CCDC171: variants seen among roughly 807,000 people sequenced by gnomAD.
The protein encoded by CCDC171 is coiled-coil domain containing 171, also known as coiled-coil domain-containing protein 171.
A neutral mutation model predicts 168.2 loss-of-function variants in CCDC171; 177 were observed. The ratio of observed to expected loss-of-function variants is 1.05; its 90% CI spans 0.93 to 1.19. The LOEUF is 1.19. Among genes scored for constraint, CCDC171 ranks in the 50% most tolerant of loss-of-function variants. The pLI, the probability that CCDC171 is intolerant of heterozygous loss-of-function variation, is 0.00. For synonymous variants in CCDC171, 687 were observed against 540.8 expected (o/e 1.27, Z -3.75); for missense variants, 1,991 against 1,539.0 (o/e 1.29, Z -4.91).
chr9:15,795,111 A>G (rs1471346979), intron 21 of CCDC171, among the ~76,000 whole-genome samples: 1 of 152,210 alleles, frequency 6.6e-6, no homozygotes, highest in Admixed American at 6.5e-5. Context: ...GCTGGCACCA[A>G]TATCAAGTTG....
At chr9:15,608,407 G>T (rs1410523366) in intron 6 of CCDC171, among the ~76,000 whole-genome samples, 4 of 152,098 alleles carry the variant, frequency 2.6e-5, no homozygotes, top group Non-Finnish European at 5.9e-5. Context: ...GTGCCAAATT[G>T]TTCTCTTAAG....
At chr9:15,732,170 A>G (rs1017287508) in intron 16 of CCDC171, among the ~76,000 whole-genome samples, 2 of 152,074 alleles carry the variant, frequency 1.3e-5, no homozygotes, top group African/African-American at 2.4e-5. Context: ...TTTGATGATC[A>G]TAAGTTTTAA....
intron 6 of CCDC171, among the ~76,000 whole-genome samples, chr9:15,602,409 C>T (rs1480848683): frequency 2.7e-5 from 4 of 149,546 alleles, no homozygotes; most frequent in Non-Finnish European, 6.0e-5. Flanking sequence ...CTCAGTGAAA[C>T]CCCATCTTTA....
intron 7 of CCDC171, among the ~76,000 whole-genome samples, chr9:15,643,707 A>T (rs1207808409): frequency 7.2e-5 from 11 of 152,208 alleles, no homozygotes; most frequent in Non-Finnish European, 1.5e-5. Flanking sequence ...CATATACATT[A>T]GCAGCTACTG....
At chr9:15,691,539 ATGTTTT>A (rs1307447146) in intron 10 of CCDC171, among the ~76,000 whole-genome samples, 1 of 14,146 alleles carries the variant, frequency 7.1e-5, no homozygotes, top group Non-Finnish European at 1.5e-4. Context: ...CTGTAAATAT[ATGTTTT>A]TTATATATAT....
intron 23 of CCDC171, among the ~76,000 whole-genome samples, chr9:15,869,440 C>T (rs2061933495): frequency 6.6e-6 from 1 of 151,100 alleles, no homozygotes; most frequent in Admixed American, 6.6e-5. Context: ...CTTTCTTCTA[C>T]ATTGTAGAAT....
Position 15,992,920 on chromosome 9 carries a change from A to G in CCDC171, n.369-27669A>G, listed in dbSNP as rs536803477. 3.3e-4 allele frequency among the ~76,000 whole-genome samples: 50 copies of G among 152,308 alleles called. 3 individuals carry two copies. In the South Asian group the frequency reaches 0.01, roughly 31 times the overall value. The stretch of plus-strand genomic sequence containing the variant: ...AAGGACCTCTTCATGGAGAATTACA[A>G]ACCACTGCTCAACAAAATAAAAGAG... On this transcript the variant is annotated intron_variant and non_coding_transcript_variant, in intron 3 of 9. Coordinates refer to the CCDC171 transcript ENST00000486641.
chr9:15,618,261 C>G (rs530704886), intron 6 of CCDC171, among the ~76,000 whole-genome samples: 2 of 152,326 alleles, frequency 1.3e-5, no homozygotes, highest in South Asian at 4.1e-4. Context: ...GCCACAGCCA[C>G]TTTGCTTTGC....
At chr9:15,607,747 G>C (rs2043331746) in intron 6 of CCDC171, among the ~76,000 whole-genome samples, 1 of 152,174 alleles carries the variant, frequency 6.6e-6, no homozygotes, top group African/African-American at 2.4e-5. Flanking sequence ...GCAAGTGTGA[G>C]CCACCATGCC....
chr9:15,862,906 A>T (rs1286229861), intron 23 of CCDC171, among the ~76,000 whole-genome samples: 1 of 152,014 alleles, frequency 6.6e-6, no homozygotes, highest in Non-Finnish European at 1.5e-5. Flanking sequence ...AAAAGTTGGA[A>T]TGTTGTATGT....
intron 5 of CCDC171, among the ~76,000 whole-genome samples, chr9:15,591,966 A>G (rs577702940): frequency 7.4e-4 from 112 of 152,272 alleles, no homozygotes; most frequent in African/African-American, 2.4e-3. Flanking sequence ...TATGTAGAGC[A>G]TGTTTTGTAT....
At chr9:16,080,344 G>A in the CCDC171 span, among the ~76,000 whole-genome samples, 1 of 152,122 alleles carries the variant, frequency 6.6e-6, no homozygotes, top group Non-Finnish European at 1.5e-5. Flanking sequence ...GTATGTATGT[G>A]CATGTGTATA....
At chr9:15,980,922 C>T (rs1831775452) in intron 3 of CCDC171, among the ~76,000 whole-genome samples, 2 of 150,824 alleles carry the variant, frequency 1.3e-5, no homozygotes, top group African/African-American at 4.9e-5. Context: ...ACTGAACCTA[C>T]AGTTCCATGT....
At chr9:15,631,187 G>T (rs1371783013) in intron 7 of CCDC171, among the ~76,000 whole-genome samples, 2 of 151,970 alleles carry the variant, frequency 1.3e-5, no homozygotes, top group African/African-American at 4.8e-5. Context: ...AGAACTGAAG[G>T]AAATAGAAAC....
downstream of CCDC171, among the ~76,000 whole-genome samples, chr9:15,978,987 A>G (rs1258114714): frequency 6.6e-6 from 1 of 152,126 alleles, no homozygotes; most frequent in Non-Finnish European, 1.5e-5. Flanking sequence ...ATAGAACAAT[A>G]TGTATTGCTA....
intron 3 of CCDC171, among the ~76,000 whole-genome samples, chr9:16,015,695 C>T (rs1161785196): frequency 1.3e-5 from 2 of 152,124 alleles, no homozygotes; most frequent in Non-Finnish European, 2.9e-5. Flanking sequence ...TGAGAGCATT[C>T]GTATTGTTAT....
At chr9:15,955,255 T>C (rs930326130) in intron 25 of CCDC171, among the ~76,000 whole-genome samples, 1 of 152,116 alleles carries the variant, frequency 6.6e-6, no homozygotes, top group Admixed American at 6.6e-5. Context: ...AAATCTTAGT[T>C]CTTAATGTCT....
chr9:15,576,981 CT>C (rs1204229388), intron 3 of CCDC171, among the ~76,000 whole-genome samples: 1 of 151,940 alleles, frequency 6.6e-6, no homozygotes, highest in African/African-American at 2.4e-5. Context: ...GGAGAGGCTG[CT>C]TTTTTTTGGT....
At chr9:16,083,627 G>T in the CCDC171 span, among the ~76,000 whole-genome samples, 1 of 152,102 alleles carries the variant, frequency 6.6e-6, no homozygotes, top group East Asian at 1.9e-4. Context: ...GGTGGAGATG[G>T]TTCTAGAAAG....
Sources: gnomAD v4.1 joint callset for allele counts (sites outside exome capture counted in the v4.1 genomes callset) on GRCh38, gnomAD v4.1.1 for gene constraint, MANE v1.5 for transcripts, NCBI Gene and HGNC (gene_info 2026-07-23, HGNC 2026-07-21) for gene names.